Variants in CYP11A1 observed in about 807,000 individuals in gnomAD.
CYP11A1 encodes cholesterol side-chain cleavage enzyme, mitochondrial.
Under a neutral mutation model 51.9 loss-of-function variants are expected in CYP11A1, and 25 were observed. That is an observed-to-expected ratio of 0.48 (90% CI 0.35 to 0.67). The LOEUF (loss-of-function observed/expected upper bound fraction) is 0.67. Ranked by LOEUF, CYP11A1 falls within the 30% of genes least tolerant of loss-of-function variation. The pLI is 0.00. For missense variants in CYP11A1, 578 were observed against 680.9 expected, an observed-to-expected ratio of 0.85 and a Z score of 1.68; for synonymous variants, 245 against 262.1, an observed-to-expected ratio of 0.93 and a Z score of 0.63.
intron 5 of CYP11A1, among the ~76,000 whole-genome samples, chr15:74,341,155 A>T (rs943267787): frequency 6.6e-6 from 1 of 152,176 alleles, no homozygotes; most frequent in South Asian, 2.1e-4. Flanking sequence ...GGATGATGGT[A>T]ACATACCTTA....
intron 5 of CYP11A1, among the ~76,000 whole-genome samples, chr15:74,342,548 G>A (rs561985813): frequency 9.8e-5 from 15 of 152,298 alleles, no homozygotes; most frequent in African/African-American, 2.9e-4. Flanking sequence ...AGAGCCCACA[G>A]CAAATGCCTC....
At chr15:74,344,913 T>C (rs1416790162) in intron 3 of CYP11A1, 131 bp downstream of exon 3, 4 of 887,928 alleles carry the variant, frequency 4.5e-6, no homozygotes, top group Non-Finnish European at 7.3e-6. Context: ...GTGGAGGACA[T>C]GATCAGCGGC....
At position 74,345,036 on chromosome 15, in the gene CYP11A1, C is replaced by T; in HGVS notation, c.625+8G>A. The T allele has an allele frequency of 1.2e-6, 2 of 1,613,244 alleles. No individual in the cohort carries two copies. Among genetic ancestry groups the T allele is most frequent in the East Asian group, 2.2e-5 (1 of 44,890 alleles). ...TGCCCACTGCCAGCCAGGTGCAAGCCCCCTTACACTCAAAGGCAAAGCGGA... is the reference window on the plus strand; with the variant it reads ...TGCCCACTGCCAGCCAGGTGCAAGCTCCCTTACACTCAAAGGCAAAGCGGA... On this transcript the variant is annotated splice_region_variant and intron_variant, in intron 3 of 8. Transcript: ENST00000268053. The surrounding 1 kb of genome is among the most constrained non-coding windows in gnomAD (Gnocchi z 4.3).
chr15:74,347,915 A>T lies in CYP11A1; in HGVS notation c.410T>A (p.Ile137Lys), dbSNP rs779931389. Residue 137 changes from isoleucine (I) to lysine (K), a missense_variant, in exon 2 of 9, where the codon ATA becomes AAA. Ile to Lys is a moderately radical substitution (Grantham distance 102). Transcript: ENST00000268053. Reference sequence around the variant, plus strand: ...CAGGACTCACTTCAACAGGACTCCTATGGGTCTCTGGTAATACTGGTGATA... The same window carrying T: ...CAGGACTCACTTCAACAGGACTCCTTTGGGTCTCTGGTAATACTGGTGATA... Reference protein sequence around the residue: ...VAYHQYYQRPIGVLLKKSAAW... With the variant: ...VAYHQYYQRPKGVLLKKSAAW... The T allele has an allele frequency of 6.2e-7, 1 of 1,614,068 alleles. No individual in the cohort carries two copies. Among genetic ancestry groups the T allele is most frequent in the South Asian group, 1.1e-5 (1 of 91,072 alleles).
intron 1 of CYP11A1, chr15:74,365,860 T>C: frequency 1.0e-6 from 1 of 985,574 alleles, no homozygotes; most frequent in Non-Finnish European, 1.2e-6. Context: ...GCTCCCTGCT[T>C]CGCCGCCGCC....
At chr15:74,366,936 G>C (rs1428821434) in intron 1 of CYP11A1, 1 of 241,644 alleles carries the variant, frequency 4.1e-6, no homozygotes, top group African/African-American at 2.3e-5. Context: ...GGATGGTCTC[G>C]AACTCTTGAT....
chr15:74,356,896 C>A (rs1324845187), intron 1 of CYP11A1, among the ~76,000 whole-genome samples: 1 of 152,150 alleles, frequency 6.6e-6, no homozygotes, highest in South Asian at 2.1e-4. Context: ...CCTAATCACC[C>A]TTACCCTGTT....
chr15:74,346,284 C>T (rs1174513944), intron 2 of CYP11A1, among the ~76,000 whole-genome samples: 1 of 132,708 alleles, frequency 7.5e-6, no homozygotes, highest in East Asian at 2.3e-4. Flanking sequence ...ACCCGGGAGG[C>T]GGAGGTTGGA....
At chr15:74,350,230 G>C (rs555723307) in intron 1 of CYP11A1, 4 of 282,494 alleles carry the variant, frequency 1.4e-5, no homozygotes, top group Admixed American at 4.9e-5. Flanking sequence ...TTTCATTTGT[G>C]TTTCTCTGTA....
chr15:74,343,148 G>C lies in CYP11A1; in HGVS notation c.830-11C>G. ...GGGTGTATATGTCAGCTGTGGGGAA[G>C]GAGGAAAGAAAAAAGAGTGAGGTTC... On this transcript the variant is annotated splice_polypyrimidine_tract_variant and intron_variant, in intron 4 of 8. Transcript: ENST00000268053. 1 of 1,613,508 alleles carries C rather than the reference G, an allele frequency of 6.2e-7. No homozygotes were observed. Among genetic ancestry groups the C allele is most frequent in the East Asian group, 2.2e-5 (1 of 44,878 alleles).
Position 74,337,858 on chromosome 15 carries a change from G to A in CYP11A1, c.*114C>T, listed in dbSNP as rs1332960874. On this transcript the variant is annotated 3_prime_UTR_variant, in exon 9 of 9. Transcript: ENST00000268053. ...CCACTGAGAACCCATTCAACCTGCT[G>A]AGCAGGCTGGGCAGAAAGGAGCAGG... The A allele has an allele frequency of 6.9e-7, 1 of 1,442,664 alleles. No homozygotes were observed. The highest frequency in any genetic ancestry group is 9.6e-7 in the Non-Finnish European group (1 of 1,040,502). The allele number at this position is 1,442,664 out of a possible 1,614,324, so 89.4% of individuals were successfully genotyped here.
At position 74,343,866 on chromosome 15, in the gene CYP11A1, G is replaced by A; in HGVS notation, c.752C>T (p.Pro251Leu). Residue 251 changes from proline to leucine, a missense_variant, in exon 4 of 9, where the codon CCC (proline) becomes CTC (leucine). Coordinates refer to ENST00000268053, the MANE Select transcript of CYP11A1 (RefSeq NM_000781.3). The stretch of plus-strand genomic sequence containing the variant: ...CCTGAACAGACGGAACAGGTCTGGG[G>A]GAAGGTTGAGCATGGGGACGCTGGT... The part of the protein sequence containing the change: ...FHTSVPMLNL[P>L]PDLFRLFRTK... 1 of 1,613,956 alleles carries A rather than the reference G, an allele frequency of 6.2e-7. No individual in the cohort carries two copies. The highest frequency in any genetic ancestry group is 1.1e-5 in the South Asian group (1 of 91,062).
intron 1 of CYP11A1, chr15:74,361,775 C>G: frequency 8.0e-7 from 1 of 1,243,364 alleles, no homozygotes. Context: ...GCACTGGTGG[C>G]AAGTCCATCT....
chr15:74,356,521 C>T (rs778767444), intron 1 of CYP11A1: 14 of 152,332 alleles, frequency 9.2e-5, no homozygotes, highest in Non-Finnish European at 1.8e-4. Flanking sequence ...ACCAACTCCA[C>T]ATTACCTTCT....
chr15:74,358,824 C>T (rs2060693717), intron 1 of CYP11A1, among the ~76,000 whole-genome samples: 1 of 152,202 alleles, frequency 6.6e-6, no homozygotes, highest in South Asian at 2.1e-4. Context: ...AGCAGTTTCT[C>T]AGGCTCTTGG....
chr15:74,340,648 A>T (rs991146459), intron 5 of CYP11A1, among the ~76,000 whole-genome samples: 2 of 152,124 alleles, frequency 1.3e-5, no homozygotes, highest in African/African-American at 2.4e-5. Flanking sequence ...ACCTCGTTTA[A>T]TACTCACAAA....
chr15:74,343,722 G>C, intron 4 of CYP11A1, 67 bp downstream of exon 4: 1 of 1,399,948 alleles, frequency 7.1e-7, no homozygotes, highest in Non-Finnish European at 1.0e-6. Flanking sequence ...TTGACATAGC[G>C]TGGGACAAAG....
At position 74,361,566 on chromosome 15, in the gene CYP11A1, C is replaced by T. The variant is rs1204474459; in HGVS notation, c.269+5751G>A. 4 of 840,224 alleles carry T rather than the reference C, an allele frequency of 4.8e-6. No homozygotes were observed. The African/African-American group carries it at 5.0e-5, about 11-fold the overall frequency. 52.0% of individuals were successfully genotyped at this position (840,224 alleles called of 1,614,324 possible). ...TACTATCAGCCATGGTCAACCCCAC[C>T]GTGTTCTTTGACATCGCAGTCACGG... On this transcript the variant is annotated intron_variant, in intron 1 of 8. Transcript: ENST00000268053.
At chr15:74,347,147 G>T (rs919196636) in intron 2 of CYP11A1, among the ~76,000 whole-genome samples, 1 of 152,012 alleles carries the variant, frequency 6.6e-6, no homozygotes, top group Admixed American at 6.5e-5. Context: ...GGTGGCTCAT[G>T]CCTATAATCC....
Sources: gnomAD v4.1 joint callset for allele counts (sites outside exome capture counted in the v4.1 genomes callset) on GRCh38, gnomAD v4.1.1 for gene constraint, Gnocchi (gnomAD v3.1) non-coding constraint, MANE v1.5 for transcripts, NCBI Gene and HGNC (gene_info 2026-07-23, HGNC 2026-07-21) for gene names.